FOXJ3: variants seen among roughly 807,000 people sequenced by gnomAD.
FOXJ3 encodes forkhead box protein J3.
In FOXJ3, 22 loss-of-function variants were observed where a neutral mutation model predicts 76.1. The ratio of observed to expected loss-of-function variants is 0.29; its 90% CI spans 0.21 to 0.41. The LOEUF (loss-of-function observed/expected upper bound fraction) is 0.41. FOXJ3 is among the 10% of genes least tolerant of loss of function. FOXJ3 has a pLI of 1.00. For synonymous variants in FOXJ3, 269 were observed against 261.2 expected (o/e 1.03, Z -0.29); for missense variants, 613 against 762.1 (o/e 0.80, Z 2.30).
At chr1:42,237,571 A>T (rs1313291754) in intron 4 of FOXJ3, among the ~76,000 whole-genome samples, 1 of 150,948 alleles carries the variant, frequency 6.6e-6, no homozygotes, top group African/African-American at 2.4e-5. Flanking sequence ...ATTTTCTCAC[A>T]ATCTGTGGTT....
At chr1:42,288,982 G>A (rs919285988) in intron 2 of FOXJ3, among the ~76,000 whole-genome samples, 5 of 151,980 alleles carry the variant, frequency 3.3e-5, no homozygotes, top group Admixed American at 3.3e-4. Flanking sequence ...GTTATATGCT[G>A]TACACTACGG....
chr1:42,273,601 G>A (rs560676351), intron 3 of FOXJ3, among the ~76,000 whole-genome samples: 1 of 140,828 alleles, frequency 7.1e-6, no homozygotes, highest in Admixed American at 7.7e-5. Context: ...CTTGAACTAG[G>A]AAGGTAGAGC....
At chr1:42,200,304 A>C (rs1447007261) in intron 6 of FOXJ3, among the ~76,000 whole-genome samples, 1 of 152,226 alleles carries the variant, frequency 6.6e-6, no homozygotes, top group African/African-American at 2.4e-5. Context: ...ATGGAATCAC[A>C]TAGTGTATAT....
At chr1:42,209,231 A>G (rs1478297297) in intron 5 of FOXJ3, among the ~76,000 whole-genome samples, 1 of 152,242 alleles carries the variant, frequency 6.6e-6, no homozygotes, top group Non-Finnish European at 1.5e-5. Context: ...TAACCTATAA[A>G]AATCAGTAGC....
At chr1:42,242,683 C>A (rs754662077) in intron 4 of FOXJ3, among the ~76,000 whole-genome samples, 56 of 152,106 alleles carry the variant, frequency 3.7e-4, no homozygotes, top group Non-Finnish European at 7.3e-4. Context: ...CCCACTGCTG[C>A]ATATGTGACA....
chr1:42,253,350 G>A (rs1650266610), intron 4 of FOXJ3, among the ~76,000 whole-genome samples: 1 of 150,186 alleles, frequency 6.7e-6, no homozygotes, highest in Non-Finnish European at 1.5e-5. Context: ...CATGCTCATG[G>A]GTAGGAAGAA....
At chr1:42,278,204 G>A (rs1652438811) in intron 3 of FOXJ3, 144 bp downstream of exon 3, 2 of 640,196 alleles carry the variant, frequency 3.1e-6, no homozygotes, top group Non-Finnish European at 5.4e-6. Context: ...ATTCACCTAA[G>A]CTAAAAACTT....
intron 2 of FOXJ3, among the ~76,000 whole-genome samples, chr1:42,309,972 G>T (rs1035664002): frequency 6.6e-6 from 1 of 152,180 alleles, no homozygotes; most frequent in Non-Finnish European, 1.5e-5. Context: ...CAACACAACA[G>T]TTCCTACTTT....
chr1:42,289,886 T>C (rs1653306942), intron 2 of FOXJ3, among the ~76,000 whole-genome samples: 1 of 152,074 alleles, frequency 6.6e-6, no homozygotes. Context: ...TTAGACTGAG[T>C]CTTTTACACA....
intron 6 of FOXJ3, among the ~76,000 whole-genome samples, chr1:42,200,005 CAAAAAAAAAAA>C (rs11355641): frequency 3.9e-5 from 3 of 76,086 alleles, no homozygotes; most frequent in African/African-American, 5.5e-5. Context: ...GACTCTGTCT[CAAAAAAAAAAA>C]AAAAAAAAAA....
rs554699960 is a variant in FOXJ3, at chr1:42,300,125, G to A, written c.44+10925C>T. Among the ~76,000 whole-genome samples, 7 of 151,900 alleles carry A rather than the reference G, an allele frequency of 4.6e-5. No individual in the cohort carries two copies. In the South Asian group the frequency reaches 6.3e-4, roughly 14 times the overall value. ...TGAGGCAGGAGCATCACTTGTACCC[G>A]GGAGGCAGAGGCTGCAGTGAGCCGA... On this transcript the variant is annotated intron_variant, in intron 2 of 12. Transcript: ENST00000361346.
chr1:42,185,333 C>T (rs1646413621), intron 11 of FOXJ3, among the ~76,000 whole-genome samples: 1 of 145,826 alleles, frequency 6.9e-6, no homozygotes, highest in Admixed American at 6.9e-5. Context: ...TCTTGGCTCA[C>T]TGCAAGCTCT....
rs1017412757 is a variant in FOXJ3 at position 42,178,209 on chromosome 1, CATA to C, written c.*1498_*1500del. On this transcript the variant is annotated 3_prime_UTR_variant, in exon 13 of 13. Transcript: ENST00000361346. ...ACAAGACAACAGAAACAGCAGGCCA[CATA>C]ATATCTACATTAAACACTGAAGCAA... is the stretch of plus-strand genomic sequence containing the variant. 3 of 152,220 alleles carry C rather than the reference CATA, an allele frequency of 2.0e-5. No individual in the cohort carries two copies. The highest frequency in any genetic ancestry group is 6.5e-5 in the Admixed American group (1 of 15,280). The allele number at this position is 152,220 out of a possible 1,614,324, so 9.4% of individuals were successfully genotyped here.
intron 9 of FOXJ3, chr1:42,189,624 A>C (rs990063195): frequency 6.8e-6 from 3 of 441,434 alleles, no homozygotes; most frequent in Admixed American, 3.8e-5. Context: ...ACTGAACCAG[A>C]GAAGTGACAT....
At chr1:42,244,043 A>G (rs769794636) in intron 4 of FOXJ3, among the ~76,000 whole-genome samples, 17 of 152,326 alleles carry the variant, frequency 1.1e-4, no homozygotes, top group Middle Eastern at 3.4e-3. Context: ...AAATACATGG[A>G]AAGTAAACAA....
intron 12 of FOXJ3, among the ~76,000 whole-genome samples, chr1:42,180,935 C>A (rs1300530836): frequency 2.6e-5 from 4 of 152,206 alleles, no homozygotes; most frequent in Non-Finnish European, 4.4e-5. Context: ...CAGAGCCTTA[C>A]CACCTTATGG....
chr1:42,220,845 C>A (rs2124416409), intron 5 of FOXJ3, among the ~76,000 whole-genome samples: 1 of 152,262 alleles, frequency 6.6e-6, no homozygotes, highest in South Asian at 2.1e-4. Context: ...TTCTTGTCTG[C>A]TTCTGAGGAA....
rs149521114 is a variant in FOXJ3 at position 42,303,934 on chromosome 1, A to G, written c.44+7116T>C. Among the ~76,000 whole-genome samples, 86 of 152,312 alleles carry G rather than the reference A, an allele frequency of 5.6e-4. No individual in the cohort carries two copies. In the East Asian group the frequency reaches 0.015, roughly 27 times the overall value. On this transcript the variant is annotated intron_variant, in intron 2 of 12. Coordinates refer to ENST00000361346, the MANE Select transcript of FOXJ3 (RefSeq NM_014947.5). ...GAAGTCCTAGCTCAAGTAATCGGAC[A>G]AGAGAAAAAAATAAAGGGCACACAA...
At chr1:42,284,058 T>C (rs1284173028) in intron 2 of FOXJ3, among the ~76,000 whole-genome samples, 1 of 152,098 alleles carries the variant, frequency 6.6e-6, no homozygotes, top group East Asian at 1.9e-4. Context: ...GTGAAGTAGA[T>C]TGTGAAGCTG....
Sources: allele counts gnomAD v4.1 joint callset (sites outside exome capture counted in the v4.1 genomes callset), GRCh38; gene constraint gnomAD v4.1.1; transcripts MANE v1.5; gene names NCBI Gene and HGNC (gene_info 2026-07-23, HGNC 2026-07-21).